SPTB: variants seen among roughly 807,000 people sequenced by gnomAD.
The protein encoded by SPTB is spectrin beta, erythrocytic, also known as spectrin beta chain, erythrocytic.
Under a neutral mutation model 256.2 loss-of-function variants are expected in SPTB, and 45 were observed. The observed-to-expected ratio is 0.18, with a 90% CI of 0.14 to 0.23. The LOEUF is 0.23. SPTB is among the 10% of genes least tolerant of loss of function. The pLI is 1.00. For synonymous variants in SPTB, 1,231 were observed against 1,243.1 expected, an observed-to-expected ratio of 0.99 and a Z score of 0.21; for missense variants, 2,715 against 3,040.4, an observed-to-expected ratio of 0.89 and a Z score of 2.52.
In SPTB at chr14:64,774,547, C is replaced by A; in HGVS notation, c.4843-20G>T. ...TTCATCCTAGGAGGCAGCAGACGGT[C>A]AGCGCCAGAGCTCAGTCTGGCCATG... On this transcript the variant is annotated intron_variant, in intron 23 of 35. Coordinates refer to ENST00000644917, the MANE Select transcript of SPTB (RefSeq NM_001355436.2). 2 of 1,552,112 alleles carry A rather than the reference C, an allele frequency of 1.3e-6. No homozygotes were observed. The highest frequency in any genetic ancestry group is 2.4e-5 in the South Asian group (2 of 84,072).
At chr14:64,814,116 C>G (rs2083142784) in intron 2 of SPTB, among the ~76,000 whole-genome samples, 1 of 152,186 alleles carries the variant, frequency 6.6e-6, no homozygotes, top group Admixed American at 6.5e-5. Context: ...CCTTAAAATG[C>G]AAATGCAAGA....
In SPTB at chr14:64,769,634, G is replaced by C; in HGVS notation, c.5893C>G (p.Leu1965Val). The C allele has an allele frequency of 6.2e-7, 1 of 1,614,136 alleles. No individual in the cohort carries two copies. Among genetic ancestry groups the C allele is most frequent in the Non-Finnish European group, 8.5e-7 (1 of 1,180,040 alleles). The stretch of plus-strand genomic sequence containing the variant: ...TGCCGCTGCAGCAGGGACTCGCCAA[G>C]CTCCAGGCAGGCACTGAAGTTCTTG... ...RSKNFSACLE[L>V]GESLLQRQHQ... The change falls in exon 28 of 36, where the codon CTT (leucine) becomes GTT (valine). Residue 1965 changes from leucine (L) to valine (V), a missense_variant. This residue lies in a region of SPTB where 2,239 missense variants were observed against 2,384.4 expected (regional missense o/e 0.94). Coordinates refer to ENST00000644917, the MANE Select transcript of SPTB (RefSeq NM_001355436.2).
At chr14:64,769,815 C>T (rs1466741882) in intron 27 of SPTB, 87 bp from the exon 28 acceptor site, 12 of 1,585,974 alleles carry the variant, frequency 7.6e-6, no homozygotes, top group Non-Finnish European at 1.0e-5. Context: ...CCACCTCCCC[C>T]TGCCTGTGGG....
chr14:64,749,162 T>C lies in SPTB; in HGVS notation c.*144A>G. The C allele has an allele frequency of 1.0e-6, 1 of 962,154 alleles. No individual in the cohort carries two copies. The highest frequency in any genetic ancestry group is 1.6e-5 in the South Asian group (1 of 62,914). The allele number at this position is 962,154 out of a possible 1,614,324, so 59.6% of individuals were successfully genotyped here. On this transcript the variant is annotated 3_prime_UTR_variant, in exon 36 of 36. Coordinates refer to ENST00000644917, the MANE Select transcript of SPTB (RefSeq NM_001355436.2). The surrounding 1 kb of genome is among the most constrained non-coding windows in gnomAD (Gnocchi z 4.7). ...AGGACACGCGGGCGAAGGCAGCTTT[T>C]GCAGTGCAGCGTGGGGCCCGGGGGC...
intron 1 of SPTB, among the ~76,000 whole-genome samples, chr14:64,831,263 C>T (rs2083447463): frequency 6.6e-6 from 1 of 152,220 alleles, no homozygotes; most frequent in South Asian, 2.1e-4. Flanking sequence ...CTGGGAGAAA[C>T]ATGAATCTCT....
At chr14:64,782,176 A>G in intron 20 of SPTB, 114 bp downstream of exon 20, 7 of 1,468,512 alleles carry the variant, frequency 4.8e-6, no homozygotes, top group Non-Finnish European at 6.6e-6. Flanking sequence ...GTGTTTATCT[A>G]TGTGACAAAC....
At chr14:64,765,956 ATG>A (rs1215405385) in intron 32 of SPTB, among the ~76,000 whole-genome samples, 7 of 122,546 alleles carry the variant, frequency 5.7e-5, no homozygotes, top group Admixed American at 3.2e-4. Context: ...GAGTGTGTGG[ATG>A]TGTGTGTATG....
rs549378092 is a variant in SPTB at position 64,802,824 on chromosome 14, T to A, written c.475-507A>T. On this transcript the variant is annotated intron_variant, in intron 4 of 35. Transcript: ENST00000644917. This position sits in a 1 kb window ranked among gnomAD's most constrained non-coding sequence, Gnocchi z 5.1. Reference sequence around the variant, plus strand: ...CAGGGATGAGACAGCTGTAATTGGATAACTCTAATAGAATGCAGAGAATCA... The same window carrying A: ...CAGGGATGAGACAGCTGTAATTGGAAAACTCTAATAGAATGCAGAGAATCA... Among the ~76,000 whole-genome samples, 3 of 152,322 alleles carry A rather than the reference T, an allele frequency of 2.0e-5. No homozygotes were observed. Among genetic ancestry groups the A allele is most frequent in the Admixed American group, 1.3e-4 (2 of 15,308 alleles).
At chr14:64,846,137 C>T (rs533173850) in intron 1 of SPTB, among the ~76,000 whole-genome samples, 1 of 152,270 alleles carries the variant, frequency 6.6e-6, no homozygotes, top group African/African-American at 2.4e-5. Flanking sequence ...TTGATTATAA[C>T]GCATCAGGAT....
intron 6 of SPTB, 140 bp downstream of exon 6, chr14:64,801,614 G>T: frequency 1.0e-6 from 1 of 972,322 alleles, no homozygotes. Flanking sequence ...GGAAAGTGAA[G>T]GTGCTATGGG....
chr14:64,854,262 G>C (rs867298769), intron 1 of SPTB, among the ~76,000 whole-genome samples: 1 of 136,300 alleles, frequency 7.3e-6, no homozygotes, highest in Non-Finnish European at 1.6e-5. Context: ...ACAGTCAATA[G>C]TTTTCCAAAC....
rs1566731898 is a variant in SPTB, at chr14:64,751,946, T to TAAAAAAA, written c.6602+1590_6602+1591insTTTTTTT. ...AAAATGCAAAAAAAAAAAAAAAAAT[T>TAAAAAAA]AGCCAGGCGTGGTGGCACGTGCCTG... On this transcript the variant is annotated intron_variant, in intron 33 of 35. Coordinates refer to ENST00000644917, the MANE Select transcript of SPTB (RefSeq NM_001355436.2). 4.1e-4 allele frequency among the ~76,000 whole-genome samples: 37 copies of TAAAAAAA among 90,466 alleles called. 2 individuals carry two copies. The highest frequency in any genetic ancestry group is 5.3e-4 in the African/African-American group (12 of 22,742). 59.3% of individuals were successfully genotyped at this position (90,466 alleles called of 152,430 possible).
At chr14:64,829,101 C>T (rs985598923) in intron 1 of SPTB, among the ~76,000 whole-genome samples, 3 of 152,138 alleles carry the variant, frequency 2.0e-5, no homozygotes, top group African/African-American at 7.2e-5. Context: ...TGTCTCCTGA[C>T]ATGGTGCAAC....
intron 8 of SPTB, among the ~76,000 whole-genome samples, chr14:64,800,462 A>G (rs1477222923): frequency 6.6e-6 from 1 of 152,154 alleles, no homozygotes; most frequent in Non-Finnish European, 1.5e-5. Flanking sequence ...CAATAAACAA[A>G]CCACATAAAA....
intron 1 of SPTB, among the ~76,000 whole-genome samples, chr14:64,846,444 T>C (rs1410221917): frequency 6.6e-6 from 1 of 152,152 alleles, no homozygotes; most frequent in East Asian, 1.9e-4. Flanking sequence ...CCTGCACAGA[T>C]ATAGAGAGAG....
rs2083676842 is a variant in SPTB at position 64,845,517 on chromosome 14, A to G, written c.-51-22372T>C. On this transcript the variant is annotated intron_variant, in intron 1 of 35. Coordinates refer to ENST00000644917, the MANE Select transcript of SPTB (RefSeq NM_001355436.2). The surrounding 1 kb of genome is among the most constrained non-coding windows in gnomAD (Gnocchi z 4.8). ...AACCAAACTGGAATATGAGTGATGA[A>G]TTCATCCCACAAATATCTTCTGAGC... is the stretch of plus-strand genomic sequence containing the variant. 6.6e-6 allele frequency among the ~76,000 whole-genome samples: 1 copy of G among 152,212 alleles called. No individual in the cohort carries two copies. The highest frequency in any genetic ancestry group is 1.9e-4 in the East Asian group (1 of 5,202).
At chr14:64,867,007 G>A (rs7144515) in intron 1 of SPTB, among the ~76,000 whole-genome samples, 19,113 of 152,128 alleles carry the variant, frequency 0.13, 1,973 homozygotes, top group African/African-American at 0.27. Context: ...TGAAAAATGA[G>A]GTGGGAGTGA....
At chr14:64,849,308 G>C (rs2083742475) in intron 1 of SPTB, among the ~76,000 whole-genome samples, 1 of 152,224 alleles carries the variant, frequency 6.6e-6, no homozygotes, top group Non-Finnish European at 1.5e-5. Flanking sequence ...ACAAGCCAAA[G>C]TTTCCCCACT....
chr14:64,863,697 C>G (rs1881991815), intron 1 of SPTB, among the ~76,000 whole-genome samples: 1 of 152,218 alleles, frequency 6.6e-6, no homozygotes, highest in Admixed American at 6.5e-5. Flanking sequence ...TAGGTCTTAA[C>G]TAGCCAAACT....
Sources: allele counts gnomAD v4.1 joint callset (sites outside exome capture counted in the v4.1 genomes callset), GRCh38; gene constraint gnomAD v4.1.1; regional missense constraint gnomAD v4.1.1; non-coding constraint Gnocchi (gnomAD v3.1); transcripts MANE v1.5; gene names NCBI Gene and HGNC (gene_info 2026-07-23, HGNC 2026-07-21).